Variants in SLC35D4 observed in about 807,000 individuals in gnomAD.
The protein encoded by SLC35D4 is UDP-N-acetylglucosamine transporter SLC35D4.
the SLC35D4 span, among the ~76,000 whole-genome samples, chr18:23,358,648 T>C: frequency 6.6e-6 from 1 of 152,128 alleles, no homozygotes; most frequent in Non-Finnish European, 1.5e-5. Flanking sequence ...AGCGAGTCCT[T>C]GAGAGTGGGG....
At chr18:23,334,876 C>T in the SLC35D4 span, among the ~76,000 whole-genome samples, 295 of 152,054 alleles carry the variant, frequency 1.9e-3, 2 homozygotes, top group South Asian at 7.5e-3. Flanking sequence ...CTTGGTGGCA[C>T]GGGCCTGTAG....
the SLC35D4 span, chr18:23,297,940 G>A: frequency 4.5e-6 from 7 of 1,571,160 alleles, no homozygotes; most frequent in Non-Finnish European, 6.1e-6. Flanking sequence ...GAGACCAGGG[G>A]CTCGTACACA....
chr18:23,382,081 A>T, the SLC35D4 span, among the ~76,000 whole-genome samples: 998 of 152,044 alleles, frequency 6.6e-3, 9 homozygotes, highest in African/African-American at 0.023. Context: ...TCTACTAAAA[A>T]TACAAAAAAT....
chr18:23,413,040 T>G, the SLC35D4 span, among the ~76,000 whole-genome samples: 1 of 152,212 alleles, frequency 6.6e-6, no homozygotes, highest in Non-Finnish European at 1.5e-5. Flanking sequence ...TCTTTTTTTT[T>G]GTTTTGTTTA....
chr18:23,411,239 G>C, the SLC35D4 span, among the ~76,000 whole-genome samples: 1 of 146,902 alleles, frequency 6.8e-6, no homozygotes, highest in Admixed American at 6.9e-5. Context: ...GGAAGGGAAG[G>C]GGAAGGGAAG....
chr18:23,344,885 C>T, the SLC35D4 span, among the ~76,000 whole-genome samples: 2 of 152,154 alleles, frequency 1.3e-5, no homozygotes, highest in Non-Finnish European at 2.9e-5. Flanking sequence ...TAGGCGTGAG[C>T]CACAGCACCT....
At chr18:23,334,220 C>T in the SLC35D4 span, among the ~76,000 whole-genome samples, 7 of 152,250 alleles carry the variant, frequency 4.6e-5, no homozygotes, top group East Asian at 1.4e-3. Context: ...ACACATAAAG[C>T]CCTAAGTAGG....
At chr18:23,306,525 C>T in the SLC35D4 span, among the ~76,000 whole-genome samples, 2 of 152,088 alleles carry the variant, frequency 1.3e-5, no homozygotes, top group African/African-American at 4.8e-5. Flanking sequence ...AGGCTGGTCT[C>T]GAACTCCCGA....
the SLC35D4 span, among the ~76,000 whole-genome samples, chr18:23,291,609 G>C: frequency 6.6e-6 from 1 of 152,150 alleles, no homozygotes; most frequent in Non-Finnish European, 1.5e-5. Flanking sequence ...TGGGCTCAGT[G>C]GGGCCTGTCT....
At chr18:23,346,468 C>CATA in the SLC35D4 span, among the ~76,000 whole-genome samples, 1 of 151,074 alleles carries the variant, frequency 6.6e-6, no homozygotes, top group African/African-American at 2.4e-5. Flanking sequence ...ATATGATGGT[C>CATA]TCATTTGTGA....
the SLC35D4 span, among the ~76,000 whole-genome samples, chr18:23,434,358 T>C: frequency 6.6e-6 from 1 of 152,198 alleles, no homozygotes. Context: ...CAAACCATTG[T>C]ATTTACATTC....
At chr18:23,364,141 C>T in the SLC35D4 span, among the ~76,000 whole-genome samples, 8 of 152,138 alleles carry the variant, frequency 5.3e-5, no homozygotes, top group East Asian at 1.9e-4. Flanking sequence ...CAGCTGAAAA[C>T]GCCAACAGAA....
the SLC35D4 span, among the ~76,000 whole-genome samples, chr18:23,278,446 A>G: frequency 6.6e-6 from 1 of 152,214 alleles, no homozygotes; most frequent in Non-Finnish European, 1.5e-5. Flanking sequence ...GTGTCACACC[A>G]GGAGCAGAAT....
chr18:23,242,648 ATTCTT>A, the SLC35D4 span, among the ~76,000 whole-genome samples: 1 of 152,196 alleles, frequency 6.6e-6, no homozygotes, highest in Non-Finnish European at 1.5e-5. Flanking sequence ...GGATTTCTGG[ATTCTT>A]TTCTTCTGTA....
chr18:23,244,856 G>A, the SLC35D4 span, among the ~76,000 whole-genome samples: 1 of 152,230 alleles, frequency 6.6e-6, no homozygotes, highest in Non-Finnish European at 1.5e-5. Context: ...AACAGTGGCC[G>A]AGTGTACGGC....
the SLC35D4 span, among the ~76,000 whole-genome samples, chr18:23,436,317 C>T: frequency 0.045 from 3 of 66 alleles, no homozygotes; most frequent in Non-Finnish European, 0.077. Context: ...CGTGAGCCAC[C>T]ACGCCCGGGC....
the SLC35D4 span, among the ~76,000 whole-genome samples, chr18:23,355,439 A>G: frequency 6.6e-6 from 1 of 152,150 alleles, no homozygotes; most frequent in Non-Finnish European, 1.5e-5. Context: ...GCCCAGCACG[A>G]AGACTCATGC....
At chr18:23,286,698 A>T in the SLC35D4 span, among the ~76,000 whole-genome samples, 58,487 of 148,666 alleles carry the variant, frequency 0.39, 11,808 homozygotes, top group Admixed American at 0.51. Context: ...TAACTGTTGT[A>T]GGTATTGACG....
At chr18:23,304,449 A>C in the SLC35D4 span, among the ~76,000 whole-genome samples, 1 of 147,786 alleles carries the variant, frequency 6.8e-6, no homozygotes, top group Non-Finnish European at 1.5e-5. Context: ...AATATATATA[A>C]TTCTTGTTAT....
Sources: gnomAD v4.1 joint callset for allele counts (sites outside exome capture counted in the v4.1 genomes callset) on GRCh38, gnomAD v4.1.1 for gene constraint, MANE v1.5 for transcripts, NCBI Gene and HGNC (gene_info 2026-07-23, HGNC 2026-07-21) for gene names.